Variants in SLFN12 observed in about 807,000 individuals in gnomAD.
SLFN12 encodes ribonuclease SLFN12.
SLFN12 carries 25 observed loss-of-function variants against 29.1 expected under a neutral mutation model. The observed-to-expected ratio is 0.86, with a 90% CI of 0.63 to 1.20. The LOEUF is 1.20. SLFN12 is among the 50% of genes most tolerant of loss of function. SLFN12 has a pLI of 0.00. For synonymous variants in SLFN12, 257 were observed against 238.7 expected (o/e 1.08, Z -0.71); for missense variants, 660 against 666.2 (o/e 0.99, Z 0.10).
chr17:35,428,947 CATCTCT>C (rs1912158648), intron 1 of SLFN12, among the ~76,000 whole-genome samples: 1 of 152,026 alleles, frequency 6.6e-6, no homozygotes, highest in Non-Finnish European at 1.5e-5. Flanking sequence ...AGAGATTCTC[CATCTCT>C]ACCCACAAAG....
chr17:35,427,386 T>G (rs1290057840), intron 1 of SLFN12, among the ~76,000 whole-genome samples: 1 of 152,152 alleles, frequency 6.6e-6, no homozygotes, highest in Non-Finnish European at 1.5e-5. Flanking sequence ...CTGTCACCAT[T>G]TCTTTATATT....
At chr17:35,420,595 C>T (rs1911571215) in intron 2 of SLFN12, 1 of 365,454 alleles carries the variant, frequency 2.7e-6, no homozygotes, top group Admixed American at 4.5e-5. Context: ...TGAAAATTAA[C>T]AGTAAAAATG....
intron 1 of SLFN12, among the ~76,000 whole-genome samples, chr17:35,428,824 C>G (rs984944784): frequency 4.6e-5 from 7 of 152,082 alleles, no homozygotes; most frequent in Non-Finnish European, 1.0e-4. Flanking sequence ...CCATGCTGAG[C>G]TTTCTCCTTA....
Position 35,422,028 on chromosome 17 carries a change from C to T in SLFN12, c.1001G>A (p.Arg334Lys), listed in dbSNP as rs754307307. 3.3e-5 allele frequency: 54 copies of T among 1,613,950 alleles called. No homozygotes were observed. The highest frequency in any genetic ancestry group is 1.6e-4 in the Middle Eastern group (1 of 6,084). ...CACCATGAACTGGATCCATTCCTTC[C>T]TGGTCAACTGCATCACACGGTTATC... ...VKDNRVMQLT[R>K]KEWIQFMVEA... is the part of the protein sequence containing the mutation. Residue 334 changes from arginine (R) to lysine (K), a missense_variant, in exon 2 of 4, where the codon AGG becomes AAG. Coordinates refer to ENST00000304905, the MANE Select transcript of SLFN12 (RefSeq NM_018042.5).
At chr17:35,427,597 G>A (rs746626857) in intron 1 of SLFN12, among the ~76,000 whole-genome samples, 16 of 151,984 alleles carry the variant, frequency 1.1e-4, no homozygotes, top group Non-Finnish European at 2.1e-4. Flanking sequence ...TGCCCAAAAC[G>A]AAAATATACT....
intron 1 of SLFN12, among the ~76,000 whole-genome samples, chr17:35,430,081 G>C (rs1455074979): frequency 6.6e-6 from 1 of 151,908 alleles, no homozygotes; most frequent in East Asian, 1.9e-4. Flanking sequence ...TAAATTTTCT[G>C]GGCTGCTCCC....
intron 3 of SLFN12, among the ~76,000 whole-genome samples, chr17:35,414,154 A>C (rs1016683467): frequency 6.6e-6 from 1 of 152,114 alleles, no homozygotes; most frequent in African/African-American, 2.4e-5. Context: ...AAAAGAAATA[A>C]AAAGAATCCA....
chr17:35,421,742 T>C (rs1034530115), intron 2 of SLFN12, among the ~76,000 whole-genome samples: 1 of 151,942 alleles, frequency 6.6e-6, no homozygotes, highest in African/African-American at 2.4e-5. Context: ...GGTTTCACCA[T>C]CTTAGCCAGG....
intron 1 of SLFN12, among the ~76,000 whole-genome samples, chr17:35,426,855 C>T (rs1259107324): frequency 2.0e-5 from 3 of 152,156 alleles, no homozygotes; most frequent in Admixed American, 2.0e-4. Flanking sequence ...CCTCTACATA[C>T]ATGCCTGCTT....
Position 35,422,061 on chromosome 17 carries a change from T to A in SLFN12, c.968A>T (p.His323Leu). 6.2e-7 allele frequency: 1 copy of A among 1,614,128 alleles called. No individual in the cohort carries two copies. The highest frequency in any genetic ancestry group is 8.5e-7 in the Non-Finnish European group (1 of 1,180,016). The stretch of plus-strand genomic sequence containing the variant: ...CTGCATCACACGGTTATCTTTCACA[T>A]GCCAGGAATCAGGCTCTTTAGCAAA... ...AVFAKEPDSW[H>L]VKDNRVMQLT... is the part of the protein sequence containing the mutation. Residue 323 changes from histidine (H) to leucine (L), a missense_variant, in exon 2 of 4, where the codon CAT becomes CTT. Physicochemically the swap from His to Leu is moderately conservative, Grantham distance 99. Transcript: ENST00000304905.
At chr17:35,421,571 G>T (rs955876122) in intron 2 of SLFN12, among the ~76,000 whole-genome samples, 1 of 127,020 alleles carries the variant, frequency 7.9e-6, no homozygotes, top group Non-Finnish European at 1.6e-5. Flanking sequence ...ATGGAGTCTC[G>T]CTCTGTTGCC....
At chr17:35,416,393 GGTACAGT>G (rs1262023322) in intron 3 of SLFN12, among the ~76,000 whole-genome samples, 1 of 151,944 alleles carries the variant, frequency 6.6e-6, no homozygotes, top group Non-Finnish European at 1.5e-5. Context: ...CTACACACTG[GGTACAGT>G]GTACATTGCT....
chr17:35,413,194 AAC>A (rs1442816594), intron 3 of SLFN12, among the ~76,000 whole-genome samples: 5 of 152,140 alleles, frequency 3.3e-5, no homozygotes, highest in African/African-American at 1.2e-4. Context: ...TGAAGAGATA[AAC>A]AATTATAGTT....
intron 3 of SLFN12, among the ~76,000 whole-genome samples, chr17:35,414,973 A>C (rs1911233739): frequency 6.6e-6 from 1 of 152,060 alleles, no homozygotes; most frequent in African/African-American, 2.4e-5. Flanking sequence ...AATTCCCATC[A>C]AAATACCATC....
At position 35,422,123 on chromosome 17, in the gene SLFN12, G is replaced by A. The variant is rs1911695452; in HGVS notation, c.906C>T (p.Val302=). The A allele has an allele frequency of 6.2e-7, 1 of 1,614,092 alleles. No homozygotes were observed. Among genetic ancestry groups the A allele is most frequent in the East Asian group, 2.2e-5 (1 of 44,886 alleles). The change falls in exon 2 of 4, where the codon GTC becomes GTT. Residue 302 remains valine, a synonymous_variant. Coordinates refer to ENST00000304905, the MANE Select transcript of SLFN12 (RefSeq NM_018042.5). ...AGAAGCGCTCCACTCTGAGTGCACA[G>A]ACATATCCACAAAGACTTCCTTTAT... ...VYDKGSLCGY[V]CALRVERFCC...
At chr17:35,415,819 A>G (rs1911279665) in intron 3 of SLFN12, among the ~76,000 whole-genome samples, 1 of 152,158 alleles carries the variant, frequency 6.6e-6, no homozygotes, top group African/African-American at 2.4e-5. Context: ...ACCATCTTAC[A>G]CCTGCAAGAA....
In SLFN12 at chr17:35,422,477, A is replaced by T. The variant is rs1021111109; in HGVS notation, c.552T>A (p.Phe184Leu). 1 of 1,612,184 alleles carries T rather than the reference A, an allele frequency of 6.2e-7. No homozygotes were observed. Among genetic ancestry groups the T allele is most frequent in the Non-Finnish European group, 8.5e-7 (1 of 1,179,552 alleles). The change falls in exon 2 of 4, where the codon TTT becomes TTA. Residue 184 changes from phenylalanine to leucine, a missense_variant. By Grantham distance (22) the Phe-to-Leu change is conservative. Coordinates refer to ENST00000304905, the MANE Select transcript of SLFN12 (RefSeq NM_018042.5). ...ENNMKALAGV[F>L]FDRTELDRKE... Reference sequence around the variant, plus strand: ...TCCGATCAAGTTCTGTTCTATCAAAAAAAACCCCGGCCAAGGCCTTCATGT... The same window carrying T: ...TCCGATCAAGTTCTGTTCTATCAAATAAAACCCCGGCCAAGGCCTTCATGT...
chr17:35,426,574 G>A (rs1912032121), intron 1 of SLFN12, among the ~76,000 whole-genome samples: 2 of 152,100 alleles, frequency 1.3e-5, no homozygotes, highest in Non-Finnish European at 2.9e-5. Flanking sequence ...GCCTTCCTCA[G>A]AGATGTGTTC....
At chr17:35,419,487 G>A (rs1911503383) in intron 3 of SLFN12, among the ~76,000 whole-genome samples, 1 of 152,072 alleles carries the variant, frequency 6.6e-6, no homozygotes, top group Non-Finnish European at 1.5e-5. Flanking sequence ...CACAGAAGAT[G>A]AAATATATAT....
Sources: gnomAD v4.1 joint callset for allele counts (sites outside exome capture counted in the v4.1 genomes callset) on GRCh38, gnomAD v4.1.1 for gene constraint, MANE v1.5 for transcripts, NCBI Gene and HGNC (gene_info 2026-07-23, HGNC 2026-07-21) for gene names.